The following FAM171A1 variants were observed in gnomAD, a reference collection of about 807,000 sequenced individuals.
FAM171A1 encodes the protein protein FAM171A1.
FAM171A1 carries 23 observed loss-of-function variants against 74.9 expected under a neutral mutation model. The ratio of observed to expected loss-of-function variants is 0.31; its 90% CI spans 0.22 to 0.44. The LOEUF (loss-of-function observed/expected upper bound fraction) is 0.44. FAM171A1 is among the 20% of genes least tolerant of loss of function. The pLI, the probability that FAM171A1 is intolerant of heterozygous loss-of-function variation, is 1.00. For missense variants in FAM171A1, 1,162 were observed against 1,159.2 expected (o/e 1.00, Z -0.03); for synonymous variants, 527 against 505.7 (o/e 1.04, Z -0.57).
chr10:15,337,798 A>G (rs1835721387), intron 1 of FAM171A1, among the ~76,000 whole-genome samples: 1 of 152,182 alleles, frequency 6.6e-6, no homozygotes, highest in South Asian at 2.1e-4. Flanking sequence ...AAAAAATACA[A>G]AAGTTAGCTG....
At chr10:15,301,376 T>C (rs931336771) in intron 1 of FAM171A1, among the ~76,000 whole-genome samples, 28 of 148,238 alleles carry the variant, frequency 1.9e-4, no homozygotes, top group African/African-American at 6.6e-4. Flanking sequence ...TTTTTTTTTG[T>C]ATTTTTAGTA....
At chr10:15,369,751 G>A (rs1431104228) in intron 1 of FAM171A1, among the ~76,000 whole-genome samples, 3 of 152,236 alleles carry the variant, frequency 2.0e-5, no homozygotes, top group Non-Finnish European at 4.4e-5. Context: ...GGCACCCTGA[G>A]CATGTTAGCC....
At chr10:15,227,800 TG>T (rs1169968769) in intron 5 of FAM171A1, among the ~76,000 whole-genome samples, 1 of 152,242 alleles carries the variant, frequency 6.6e-6, no homozygotes, top group Admixed American at 6.5e-5. Flanking sequence ...TGCATCCAGC[TG>T]GCAAGGTTCA....
Position 15,213,205 on chromosome 10 carries a change from C to G in FAM171A1, c.2383G>C (p.Glu795Gln), listed in dbSNP as rs200146894. The change falls in exon 8 of 8, where the codon GAA becomes CAA. Residue 795 changes from glutamate to glutamine, a missense_variant. Glu to Gln is a conservative substitution (Grantham distance 29). Coordinates refer to ENST00000378116, the MANE Select transcript of FAM171A1 (RefSeq NM_001010924.2). The surrounding 1 kb of genome is among the most constrained non-coding windows in gnomAD (Gnocchi z 6.8). ...YTQLVYLDDVEQSGSECGTTV... is the reference protein window; with the variant it reads ...YTQLVYLDDVQQSGSECGTTV... Reference sequence around the variant, plus strand: ...GTCCCACATTCGCTACCACTCTGTTCCACGTCATCCAGGTACACGAGCTGC... The same window carrying G: ...GTCCCACATTCGCTACCACTCTGTTGCACGTCATCCAGGTACACGAGCTGC... 1 of 1,614,144 alleles carries G rather than the reference C, an allele frequency of 6.2e-7. No homozygotes were observed. Among genetic ancestry groups the G allele is most frequent in the East Asian group, 2.2e-5 (1 of 44,860 alleles).
intron 1 of FAM171A1, among the ~76,000 whole-genome samples, chr10:15,325,757 T>C (rs573764723): frequency 1.4e-4 from 22 of 152,214 alleles, no homozygotes; most frequent in African/African-American, 4.6e-4. Flanking sequence ...CGTGCTTGGC[T>C]TCCACGTCCA....
At chr10:15,282,172 C>T (rs1262441442) in intron 2 of FAM171A1, among the ~76,000 whole-genome samples, 1 of 151,812 alleles carries the variant, frequency 6.6e-6, no homozygotes, top group African/African-American at 2.4e-5. Context: ...CCTCCACATC[C>T]TGGGTTCCAG....
At chr10:15,305,090 C>A (rs973082778) in intron 1 of FAM171A1, among the ~76,000 whole-genome samples, 2 of 152,118 alleles carry the variant, frequency 1.3e-5, no homozygotes, top group Non-Finnish European at 2.9e-5. Flanking sequence ...TTGGCCTCAC[C>A]ACACCTGAAT....
At chr10:15,357,744 A>G (rs1345781469) in intron 1 of FAM171A1, among the ~76,000 whole-genome samples, 1 of 152,250 alleles carries the variant, frequency 6.6e-6, no homozygotes, top group Non-Finnish European at 1.5e-5. Flanking sequence ...ATGGATGGAT[A>G]GAAGGATGAA....
At chr10:15,366,799 T>C (rs1180105356) in intron 1 of FAM171A1, among the ~76,000 whole-genome samples, 1 of 152,228 alleles carries the variant, frequency 6.6e-6, no homozygotes, top group Non-Finnish European at 1.5e-5. Flanking sequence ...AGTAGGAAAT[T>C]AATATTTATT....
chr10:15,275,462 T>G (rs889785753), intron 3 of FAM171A1, among the ~76,000 whole-genome samples: 1 of 151,790 alleles, frequency 6.6e-6, no homozygotes, highest in African/African-American at 2.4e-5. Context: ...AAATATTTTT[T>G]TTTTTTGTAT....
chr10:15,239,445 C>T (rs994818322), intron 5 of FAM171A1, among the ~76,000 whole-genome samples: 1 of 151,912 alleles, frequency 6.6e-6, no homozygotes, highest in African/African-American at 2.4e-5. Flanking sequence ...TAGAGGCACC[C>T]ACCACCACAC....
At chr10:15,337,958 A>AC (rs1419849087) in intron 1 of FAM171A1, among the ~76,000 whole-genome samples, 1 of 151,366 alleles carries the variant, frequency 6.6e-6, no homozygotes, top group Non-Finnish European at 1.5e-5. Context: ...CTTAAAAAAA[A>AC]CAAAAAAAAC....
intron 5 of FAM171A1, among the ~76,000 whole-genome samples, chr10:15,233,014 G>T (rs909275814): frequency 5.3e-5 from 8 of 152,294 alleles, no homozygotes; most frequent in African/African-American, 1.7e-4. Context: ...GTTTTTTCAG[G>T]CCAGGGGCAG....
At chr10:15,362,272 T>G (rs1047565724) in intron 1 of FAM171A1, among the ~76,000 whole-genome samples, 1 of 152,240 alleles carries the variant, frequency 6.6e-6, no homozygotes, top group African/African-American at 2.4e-5. Flanking sequence ...GTGCTGTAGC[T>G]ACTTTAAATA....
chr10:15,343,141 C>T (rs912659759), intron 1 of FAM171A1, among the ~76,000 whole-genome samples: 3 of 152,236 alleles, frequency 2.0e-5, no homozygotes, highest in African/African-American at 7.2e-5. Context: ...TCCTGGGCAT[C>T]ATGTTGCTTT....
intron 1 of FAM171A1, among the ~76,000 whole-genome samples, chr10:15,305,777 C>G (rs924488254): frequency 1.3e-5 from 2 of 150,768 alleles, no homozygotes; most frequent in Non-Finnish European, 2.9e-5. Flanking sequence ...ATTGTACATC[C>G]AATATGCAAA....
At chr10:15,368,720 A>C (rs1292894155) in intron 1 of FAM171A1, among the ~76,000 whole-genome samples, 2 of 152,266 alleles carry the variant, frequency 1.3e-5, no homozygotes, top group Non-Finnish European at 2.9e-5. Context: ...TGCAAAGTGA[A>C]ATCAGATGCA....
At chr10:15,263,233 A>G (rs1353734756) in intron 3 of FAM171A1, among the ~76,000 whole-genome samples, 1 of 152,138 alleles carries the variant, frequency 6.6e-6, no homozygotes, top group African/African-American at 2.4e-5. Context: ...AGGGCCTCCT[A>G]GAGGCTCCGG....
At chr10:15,226,695 A>G (rs1054822931) in intron 5 of FAM171A1, among the ~76,000 whole-genome samples, 1 of 152,228 alleles carries the variant, frequency 6.6e-6, no homozygotes, top group South Asian at 2.1e-4. Context: ...CATAATTATG[A>G]TCAACTACAA....
Sources: allele counts gnomAD v4.1 joint callset (sites outside exome capture counted in the v4.1 genomes callset), GRCh38; gene constraint gnomAD v4.1.1; non-coding constraint Gnocchi (gnomAD v3.1); transcripts MANE v1.5; gene names NCBI Gene and HGNC (gene_info 2026-07-23, HGNC 2026-07-21).